The following RBFOX1 variants were observed in gnomAD, a reference collection of about 807,000 sequenced individuals.
RBFOX1 encodes the protein RNA binding protein fox-1 homolog 1.
RBFOX1 carries 8 observed loss-of-function variants against 57.7 expected under a neutral mutation model. That is an observed-to-expected ratio of 0.14 (90% confidence interval 0.08 to 0.25). RBFOX1 has a LOEUF of 0.25. Among genes scored for constraint, RBFOX1 ranks in the 10% least tolerant of loss-of-function variants. The probability of loss-of-function intolerance (pLI) is 1.00; values close to 1 mark genes in which losing one functional copy is unlikely to be tolerated. For synonymous variants in RBFOX1, 326 were observed against 222.4 expected, an observed-to-expected ratio of 1.47 and a Z score of -4.15; for missense variants, 611 against 548.5, an observed-to-expected ratio of 1.11 and a Z score of -1.14.
chr16:7,526,404 C>A (rs1193560756), intron 5 of RBFOX1, among the ~76,000 whole-genome samples: 1 of 152,268 alleles, frequency 6.6e-6, no homozygotes, highest in South Asian at 2.1e-4. Flanking sequence ...ATTTGACCCT[C>A]CATTCTGCTT....
intron 3 of RBFOX1, among the ~76,000 whole-genome samples, chr16:6,921,346 TG>T (rs1233793089): frequency 6.6e-6 from 1 of 152,158 alleles, no homozygotes; most frequent in African/African-American, 2.4e-5. Context: ...TCAGGTGGGT[TG>T]TGTTCACATT....
At chr16:5,656,241 C>G (rs770570520) in intron 3 of RBFOX1, among the ~76,000 whole-genome samples, 2 of 152,022 alleles carry the variant, frequency 1.3e-5, no homozygotes, top group Non-Finnish European at 2.9e-5. Flanking sequence ...AAAGTGTGAA[C>G]AGTAATAGCT....
intron 1 of RBFOX1, among the ~76,000 whole-genome samples, chr16:5,368,268 C>T (rs1305317531): frequency 6.6e-6 from 1 of 152,212 alleles, no homozygotes; most frequent in East Asian, 1.9e-4. Context: ...TTTTTTTACG[C>T]TTGCGACTGC....
chr16:6,771,780 T>A (rs1032979806), intron 3 of RBFOX1, among the ~76,000 whole-genome samples: 4 of 152,136 alleles, frequency 2.6e-5, no homozygotes, highest in African/African-American at 9.7e-5. Context: ...CAGCCCCCTA[T>A]GACAATAAGT....
chr16:7,333,430 A>T (rs1002939817), intron 4 of RBFOX1, among the ~76,000 whole-genome samples: 2 of 152,228 alleles, frequency 1.3e-5, no homozygotes, highest in African/African-American at 4.8e-5. Context: ...ATCATGAGAC[A>T]AAGTAACTTA....
chr16:6,954,673 C>A (rs1355107303), intron 3 of RBFOX1, among the ~76,000 whole-genome samples: 2 of 152,102 alleles, frequency 1.3e-5, no homozygotes, highest in East Asian at 3.9e-4. Context: ...CAGGTCATTG[C>A]ATTTAGGGGC....
intron 2 of RBFOX1, among the ~76,000 whole-genome samples, chr16:5,490,446 G>C (rs1019941110): frequency 1.3e-5 from 2 of 152,336 alleles, no homozygotes; most frequent in East Asian, 3.9e-4. Context: ...TTCTGTAGGT[G>C]CTCGGCCTTG....
At chr16:6,588,180 G>C (rs2153984655) in intron 2 of RBFOX1, among the ~76,000 whole-genome samples, 1 of 151,916 alleles carries the variant, frequency 6.6e-6, no homozygotes, top group South Asian at 2.1e-4. Context: ...GCAGTGAGCT[G>C]AGATTGTGCC....
intron 3 of RBFOX1, among the ~76,000 whole-genome samples, chr16:6,685,140 A>C (rs959903122): frequency 2.0e-5 from 3 of 152,156 alleles, no homozygotes; most frequent in Non-Finnish European, 4.4e-5. Context: ...ACGAGCTGTC[A>C]CCTTTTATAT....
rs539047093 is a variant in RBFOX1, at chr16:7,431,562, T to C, written c.28-86585T>C. Among the ~76,000 whole-genome samples the C allele has an allele frequency of 1.1e-3, 167 of 152,330 alleles. 1 individual carries two copies. The highest frequency in any genetic ancestry group is 3.8e-3 in the African/African-American group (159 of 41,566). On this transcript the variant is annotated intron_variant, in intron 4 of 15. Transcript: ENST00000550418. ...TGTGCCCGGCTTAATATGTCTTTTA[T>C]TTTTAAAAAATGCTGGTAAAATACA...
In RBFOX1 at chr16:5,246,191, G is replaced by A. The variant is rs113507634; in HGVS notation, c.219+6086G>A. Among the ~76,000 whole-genome samples, 1,499 of 152,304 alleles carry A rather than the reference G, an allele frequency of 9.8e-3. 32 individuals carry two copies. The highest frequency in any genetic ancestry group is 0.034 in the African/African-American group (1,426 of 41,566). On this transcript the variant is annotated intron_variant, in intron 1 of 2. Transcript: ENST00000585867. ...TGGGAGACAGAGGTTGCAGTCAGCC[G>A]AGATCGCGCCACTGCACTTCAGCCA... is the stretch of plus-strand genomic sequence containing the variant.
At chr16:6,992,215 G>T (rs972261277) in intron 3 of RBFOX1, among the ~76,000 whole-genome samples, 4 of 151,088 alleles carry the variant, frequency 2.6e-5, no homozygotes, top group Admixed American at 1.3e-4. Context: ...ACAGGCTGGA[G>T]TGCAGTGGTG....
rs573591943 is a variant in RBFOX1, at chr16:7,657,454, G to A, written c.890+3507G>A. On this transcript the variant is annotated intron_variant, in intron 12 of 15. Coordinates refer to ENST00000550418, the MANE Select transcript of RBFOX1 (RefSeq NM_018723.4). The stretch of plus-strand genomic sequence containing the variant: ...TAAGTAGCTGGGATTACAGGTGCCC[G>A]CCACCACACCTGGCTAATTTTTGCA... Among the ~76,000 whole-genome samples, 282 of 152,174 alleles carry A rather than the reference G, an allele frequency of 1.9e-3. 1 individual carries two copies. The highest frequency in any genetic ancestry group is 5.5e-3 in the African/African-American group (230 of 41,532).
chr16:6,023,201 C>G (rs1037542176), intron 1 of RBFOX1, among the ~76,000 whole-genome samples: 2 of 151,980 alleles, frequency 1.3e-5, no homozygotes, highest in African/African-American at 4.8e-5. Context: ...AAACATGGGT[C>G]TGAGCGGGTT....
intron 3 of RBFOX1, among the ~76,000 whole-genome samples, chr16:5,753,126 C>G (rs947643333): frequency 3.9e-5 from 6 of 151,922 alleles, no homozygotes; most frequent in East Asian, 1.9e-4. Context: ...CACCACTGCA[C>G]TCCAGCATGG....
At chr16:7,075,611 C>T (rs191022201) in intron 4 of RBFOX1, among the ~76,000 whole-genome samples, 32 of 151,994 alleles carry the variant, frequency 2.1e-4, no homozygotes, top group African/African-American at 6.0e-4. Flanking sequence ...GACGGAGTCT[C>T]GCTCTGTTGC....
intron 2 of RBFOX1, among the ~76,000 whole-genome samples, chr16:6,551,458 C>G (rs1599602856): frequency 1.3e-5 from 2 of 152,170 alleles, no homozygotes; most frequent in African/African-American, 2.4e-5. Context: ...TAATTTTACG[C>G]TGTCTAACAT....
chr16:6,781,531 A>G (rs1474912901), intron 3 of RBFOX1, among the ~76,000 whole-genome samples: 1 of 152,114 alleles, frequency 6.6e-6, no homozygotes, highest in Non-Finnish European at 1.5e-5. Context: ...ATTTGGTAGA[A>G]TTCAACAGTG....
At chr16:5,294,662 C>A (rs2063618003) in intron 1 of RBFOX1, among the ~76,000 whole-genome samples, 1 of 152,030 alleles carries the variant, frequency 6.6e-6, no homozygotes, top group Admixed American at 6.6e-5. Context: ...CTATGTTTCC[C>A]CTGTATTTGC....
Sources: gnomAD v4.1 joint callset for allele counts (sites outside exome capture counted in the v4.1 genomes callset) on GRCh38, gnomAD v4.1.1 for gene constraint, MANE v1.5 for transcripts, NCBI Gene and HGNC (gene_info 2026-07-23, HGNC 2026-07-21) for gene names.